The following FAM171B variants were observed in gnomAD, a reference collection of about 807,000 sequenced individuals.
FAM171B encodes the protein family with sequence similarity 171 member B, also known as protein FAM171B.
FAM171B carries 19 observed loss-of-function variants against 75.6 expected under a neutral mutation model. That is an observed-to-expected ratio of 0.25 (90% CI 0.18 to 0.37). The LOEUF is 0.37. Ranked by LOEUF, FAM171B falls within the 10% of genes least tolerant of loss-of-function variation. The probability of loss-of-function intolerance (pLI) is 1.00; values close to 1 mark genes in which losing one functional copy is unlikely to be tolerated. For missense variants in FAM171B, 848 were observed against 982.4 expected (o/e 0.86, Z 1.83); for synonymous variants, 367 against 361.7 (o/e 1.01, Z -0.17).
intron 1 of FAM171B, among the ~76,000 whole-genome samples, chr2:186,736,707 A>G (rs2105784533): frequency 9.6e-6 from 1 of 104,028 alleles, no homozygotes; most frequent in South Asian, 3.4e-4. Flanking sequence ...GGACTGGGTG[A>G]TTATTACAAA....
At chr2:186,706,477 C>T (rs1473717929) in intron 1 of FAM171B, among the ~76,000 whole-genome samples, 1 of 152,182 alleles carries the variant, frequency 6.6e-6, no homozygotes, top group East Asian at 1.9e-4. Flanking sequence ...AATTTCTGTA[C>T]TTTGAGCACT....
intron 1 of FAM171B, among the ~76,000 whole-genome samples, chr2:186,719,595 A>G (rs977689737): frequency 1.7e-4 from 26 of 152,380 alleles, no homozygotes; most frequent in African/African-American, 5.8e-4. Flanking sequence ...AAGCTAAGTT[A>G]ACGGAAAATA....
chr2:186,754,719 T>G (rs1402615412), intron 6 of FAM171B, among the ~76,000 whole-genome samples: 1 of 152,140 alleles, frequency 6.6e-6, no homozygotes, highest in Non-Finnish European at 1.5e-5. Context: ...AGACTGAGGA[T>G]GTATTAAATC....
chr2:186,756,580 C>T (rs891651583), intron 6 of FAM171B, among the ~76,000 whole-genome samples: 6 of 152,108 alleles, frequency 3.9e-5, no homozygotes, highest in Non-Finnish European at 8.8e-5. Flanking sequence ...TCTAGATGGC[C>T]ACTTTCTCAA....
intron 1 of FAM171B, among the ~76,000 whole-genome samples, chr2:186,725,343 CAAA>C (rs35999085): frequency 1.6e-5 from 2 of 126,922 alleles, no homozygotes; most frequent in African/African-American, 3.1e-5. Flanking sequence ...GACTCTGTCT[CAAA>C]AAAAAAAAAA....
chr2:186,748,346 T>G (rs1690401761), intron 4 of FAM171B, among the ~76,000 whole-genome samples: 1 of 152,140 alleles, frequency 6.6e-6, no homozygotes, highest in South Asian at 2.1e-4. Flanking sequence ...TTCATTTCAT[T>G]TGAGGAACAG....
At chr2:186,750,687 G>C (rs1690439014) in intron 4 of FAM171B, among the ~76,000 whole-genome samples, 1 of 152,168 alleles carries the variant, frequency 6.6e-6, no homozygotes, top group Non-Finnish European at 1.5e-5. Flanking sequence ...TTTTATGTAA[G>C]AAGTGCAGCT....
At position 186,763,982 on chromosome 2, in the gene FAM171B, T is replaced by C. The variant is rs1200396940; in HGVS notation, c.*1159T>C. The stretch of plus-strand genomic sequence containing the variant: ...AGTCACTTAAAGCCTTTGCAACTTC[T>C]TTTTTCAGTTTTGTAAGTAATATAT... On this transcript the variant is annotated 3_prime_UTR_variant, in exon 8 of 8. Coordinates refer to ENST00000304698, the MANE Select transcript of FAM171B (RefSeq NM_177454.4). 6.6e-6 allele frequency: 1 copy of C among 152,108 alleles called. No homozygotes were observed. 9.4% of individuals were successfully genotyped at this position (152,108 alleles called of 1,614,324 possible).
intron 1 of FAM171B, among the ~76,000 whole-genome samples, chr2:186,695,760 C>T (rs960988160): frequency 6.6e-6 from 1 of 152,046 alleles, no homozygotes; most frequent in African/African-American, 2.4e-5. Flanking sequence ...TTTTCCTACC[C>T]AGCTTTTAAT....
At chr2:186,742,463 T>C (rs1690302271) in intron 2 of FAM171B, among the ~76,000 whole-genome samples, 1 of 152,204 alleles carries the variant, frequency 6.6e-6, no homozygotes, top group Non-Finnish European at 1.5e-5. Flanking sequence ...TTGGTAGTTC[T>C]CTTTTCCTAT....
At chr2:186,713,508 C>T (rs758001331) in intron 1 of FAM171B, among the ~76,000 whole-genome samples, 1 of 152,116 alleles carries the variant, frequency 6.6e-6, no homozygotes, top group Non-Finnish European at 1.5e-5. Flanking sequence ...ATCAGAAGTA[C>T]AAACCTTTTA....
intron 6 of FAM171B, among the ~76,000 whole-genome samples, chr2:186,758,813 A>T (rs907856040): frequency 7.2e-5 from 11 of 152,108 alleles, no homozygotes; most frequent in Admixed American, 2.0e-4. Context: ...TACCTCAAGC[A>T]TTGTTATAAA....
At chr2:186,717,025 T>G (rs1272820839) in intron 1 of FAM171B, among the ~76,000 whole-genome samples, 3 of 152,170 alleles carry the variant, frequency 2.0e-5, no homozygotes, top group African/African-American at 7.2e-5. Flanking sequence ...ACAGGTAGTG[T>G]AACTTGCCAC....
chr2:186,740,991 TCTC>T (rs1450264470), intron 2 of FAM171B, among the ~76,000 whole-genome samples: 2 of 152,172 alleles, frequency 1.3e-5, no homozygotes, highest in Non-Finnish European at 2.9e-5. Context: ...TAAAAATACA[TCTC>T]CTAGGGGCAA....
At position 186,694,099 on chromosome 2, in the gene FAM171B, A is replaced by G. The variant is rs1258800151; in HGVS notation, c.-75A>G. The G allele has an allele frequency of 2.2e-6, 3 of 1,391,530 alleles. No individual in the cohort carries two copies. Among genetic ancestry groups the G allele is most frequent in the Non-Finnish European group, 2.8e-6 (3 of 1,081,166 alleles). 86.2% of individuals were successfully genotyped at this position (1,391,530 alleles called of 1,614,324 possible). On this transcript the variant is annotated 5_prime_UTR_variant, in exon 1 of 8. Transcript: ENST00000304698. Reference sequence around the variant, plus strand: ...GGGGAGCGAGCGAGCGGGCGCTGCCAGGAGCCCGCAGCCCTGGCGCCCGCC... The same window carrying G: ...GGGGAGCGAGCGAGCGGGCGCTGCCGGGAGCCCGCAGCCCTGGCGCCCGCC...
chr2:186,750,895 C>A (rs553207144), intron 4 of FAM171B, among the ~76,000 whole-genome samples: 1 of 152,206 alleles, frequency 6.6e-6, no homozygotes, highest in African/African-American at 2.4e-5. Flanking sequence ...CCCCTTACAT[C>A]AGATGACTTA....
chr2:186,736,948 A>G (rs563088464), intron 1 of FAM171B, among the ~76,000 whole-genome samples: 5 of 152,280 alleles, frequency 3.3e-5, no homozygotes, highest in South Asian at 2.1e-4. Context: ...AGTGTACTCT[A>G]ATTTTTGTGA....
At position 186,727,959 on chromosome 2, in the gene FAM171B, G is replaced by T. The variant is rs147433655; in HGVS notation, c.239-12269G>T. Among the ~76,000 whole-genome samples, 218 of 152,162 alleles carry T rather than the reference G, an allele frequency of 1.4e-3. 2 individuals carry two copies. Among genetic ancestry groups the T allele is most frequent in the African/African-American group, 4.1e-3 (172 of 41,534 alleles). On this transcript the variant is annotated intron_variant, in intron 1 of 7. Transcript: ENST00000304698. ...GTAGCTGAATATTTTGTGTGAAAAT[G>T]GTGGGTAGAGAGCAAACTAGGCCTC...
chr2:186,740,795 G>T (rs979849810), intron 2 of FAM171B, among the ~76,000 whole-genome samples: 11 of 152,250 alleles, frequency 7.2e-5, no homozygotes, highest in South Asian at 2.1e-4. Flanking sequence ...TCCTCACATG[G>T]TAGAATGGGC....
Sources: gnomAD v4.1 joint callset for allele counts (sites outside exome capture counted in the v4.1 genomes callset) on GRCh38, gnomAD v4.1.1 for gene constraint, MANE v1.5 for transcripts, NCBI Gene and HGNC (gene_info 2026-07-23, HGNC 2026-07-21) for gene names.